Variants in RUFY3 observed in about 807,000 individuals in gnomAD.
RUFY3 encodes RUN and FYVE domain containing 3.
A neutral mutation model predicts 84.0 loss-of-function variants in RUFY3; 34 were observed. That is an observed-to-expected ratio of 0.40 (90% confidence interval 0.31 to 0.54). RUFY3 has a LOEUF of 0.54. RUFY3 is among the 20% of genes least tolerant of loss of function. RUFY3 has a pLI of 0.39. For missense variants in RUFY3, 507 were observed against 736.8 expected (o/e 0.69, Z 3.61); for synonymous variants, 242 against 252.9 (o/e 0.96, Z 0.41).
intron 1 of RUFY3, among the ~76,000 whole-genome samples, chr4:70,706,313 A>T (rs1269849155): frequency 1.3e-5 from 2 of 152,204 alleles, no homozygotes; most frequent in Non-Finnish European, 2.9e-5. Flanking sequence ...TTTTTAAAGC[A>T]CAAGTACAAA....
chr4:70,772,101 G>T (rs1418265602), intron 5 of RUFY3, among the ~76,000 whole-genome samples: 4 of 150,350 alleles, frequency 2.7e-5, no homozygotes, highest in Non-Finnish European at 3.0e-5. Context: ...GTGAGACTTT[G>T]TCTCAGAAAT....
chr4:70,706,486 G>T (rs1368270020), intron 1 of RUFY3, among the ~76,000 whole-genome samples: 1 of 152,200 alleles, frequency 6.6e-6, no homozygotes, highest in Non-Finnish European at 1.5e-5. Context: ...CACTTTTTCA[G>T]ATGCGGAAGC....
chr4:70,717,846 A>G (rs1342551632), upstream of RUFY3, among the ~76,000 whole-genome samples: 1 of 146,106 alleles, frequency 6.8e-6, no homozygotes, highest in Non-Finnish European at 1.5e-5. Flanking sequence ...TCTGTTTTGC[A>G]GTGCTTTTGT....
At chr4:70,706,550 C>G (rs572714314) in intron 1 of RUFY3, among the ~76,000 whole-genome samples, 1 of 152,346 alleles carries the variant, frequency 6.6e-6, no homozygotes, top group Admixed American at 6.5e-5. Context: ...ACCCAGATTG[C>G]TTTTCTGCTA....
At chr4:70,732,177 T>G (rs1467796977) in intron 1 of RUFY3, among the ~76,000 whole-genome samples, 3 of 152,228 alleles carry the variant, frequency 2.0e-5, no homozygotes, top group Non-Finnish European at 4.4e-5. Context: ...CTCACACCTT[T>G]CATGTCCTGA....
chr4:70,765,369 G>T (rs1725711368), intron 4 of RUFY3, among the ~76,000 whole-genome samples: 2 of 151,978 alleles, frequency 1.3e-5, no homozygotes, highest in South Asian at 4.2e-4. Flanking sequence ...TAGAAATCAG[G>T]ATAATAGTTA....
chr4:70,734,573 C>G (rs1486093333), intron 1 of RUFY3: 1 of 985,282 alleles, frequency 1.0e-6, no homozygotes, highest in Non-Finnish European at 1.2e-6. Context: ...TGAAAATAAC[C>G]TGGCTAGTCA....
chr4:70,802,724 G>A lies in RUFY3; in HGVS notation c.1623-232G>A, dbSNP rs1732380674. The A allele has an allele frequency of 7.9e-6, 3 of 381,064 alleles. No homozygotes were observed. The East Asian group carries it at 1.2e-4, about 15-fold the overall frequency. The allele number at this position is 381,064 out of a possible 1,614,324, so 23.6% of individuals were successfully genotyped here. A position where few individuals can be genotyped will look rare whatever the true frequency, so the allele number is the denominator to read the frequency against. On this transcript the variant is annotated intron_variant, in intron 15 of 17. Coordinates refer to ENST00000381006, the MANE Select transcript of RUFY3 (RefSeq NM_001037442.4). ...ATAACTTCAAATCTATTTTTAAATG[G>A]GAACCCTTATATAATAAGTCAAGGG...
chr4:70,806,393 T>A, intron 17 of RUFY3, 123 bp from the exon 18 acceptor site: 1 of 1,103,146 alleles, frequency 9.1e-7, no homozygotes. Flanking sequence ...ACCTGGCACA[T>A]AGTAAACATT....
chr4:70,750,335 C>A (rs1226797553), intron 1 of RUFY3, among the ~76,000 whole-genome samples: 6 of 152,210 alleles, frequency 3.9e-5, no homozygotes, highest in Non-Finnish European at 7.3e-5. Context: ...TACATCTCAG[C>A]ACCTGTAAAT....
chr4:70,791,961 A>G, intron 12 of RUFY3: 2 of 984,292 alleles, frequency 2.0e-6, no homozygotes, highest in Non-Finnish European at 2.4e-6. Flanking sequence ...TAAAATACAT[A>G]GAAATAAAGT....
chr4:70,758,764 C>T (rs1724478651), intron 1 of RUFY3, among the ~76,000 whole-genome samples: 1 of 151,792 alleles, frequency 6.6e-6, no homozygotes, highest in East Asian at 1.9e-4. Context: ...TATTGCCAGG[C>T]GTGGTGGCTC....
At chr4:70,775,133 T>C (rs1727712422) in intron 6 of RUFY3, 35 bp from the exon 7 acceptor site, 2 of 1,507,732 alleles carry the variant, frequency 1.3e-6, no homozygotes, top group Non-Finnish European at 1.8e-6. Flanking sequence ...TCTTATGTTA[T>C]TTATTTTATT....
At chr4:70,762,338 T>C (rs1725175839) in intron 1 of RUFY3, among the ~76,000 whole-genome samples, 181 bp from the exon 2 acceptor site, 2 of 152,130 alleles carry the variant, frequency 1.3e-5, no homozygotes, top group South Asian at 4.1e-4. Context: ...AAGAAAAGAC[T>C]ACTCAAGGCT....
intron 5 of RUFY3, among the ~76,000 whole-genome samples, chr4:70,769,357 T>C (rs972604631): frequency 6.6e-6 from 1 of 152,214 alleles, no homozygotes; most frequent in East Asian, 1.9e-4. Flanking sequence ...ATAAAAAGTT[T>C]GTTTGCATTA....
chr4:70,745,180 G>A (rs111243863), intron 1 of RUFY3, among the ~76,000 whole-genome samples: 3 of 152,130 alleles, frequency 2.0e-5, no homozygotes, highest in African/African-American at 4.8e-5. Flanking sequence ...TCCTGACCTC[G>A]TGGTCCACCC....
chr4:70,723,514 CTTGA>C (rs1717715351), intron 1 of RUFY3, among the ~76,000 whole-genome samples: 1 of 143,146 alleles, frequency 7.0e-6, no homozygotes, highest in Admixed American at 6.7e-5. Context: ...TTTGTGGTCT[CTTGA>C]CTTGCGACTT....
intron 1 of RUFY3, among the ~76,000 whole-genome samples, chr4:70,756,928 A>C (rs1258846460): frequency 1.3e-5 from 2 of 152,164 alleles, no homozygotes. Flanking sequence ...AGAAATGTAG[A>C]AAACTAACAT....
intron 12 of RUFY3, among the ~76,000 whole-genome samples, chr4:70,791,022 G>A (rs941023355): frequency 1.3e-5 from 2 of 152,050 alleles, no homozygotes; most frequent in Non-Finnish European, 1.5e-5. Flanking sequence ...TGATTTTACT[G>A]TTCATAAATT....
Sources: allele counts gnomAD v4.1 joint callset (sites outside exome capture counted in the v4.1 genomes callset), GRCh38; gene constraint gnomAD v4.1.1; transcripts MANE v1.5; gene names NCBI Gene and HGNC (gene_info 2026-07-23, HGNC 2026-07-21).